RAPGEF2: variants seen among roughly 807,000 people sequenced by gnomAD.
RAPGEF2 encodes PDZ domain containing guanine nucleotide exchange factor (GEF) 1.
Under a neutral mutation model 186.7 loss-of-function variants are expected in RAPGEF2, and 54 were observed. The ratio of observed to expected loss-of-function variants is 0.29; its 90% CI spans 0.23 to 0.36. The LOEUF is 0.36. RAPGEF2 is among the 10% of genes least tolerant of loss of function. The probability of loss-of-function intolerance (pLI) is 1.00; values close to 1 mark genes in which losing one functional copy is unlikely to be tolerated. For missense variants in RAPGEF2, 1,532 were observed against 2,045.0 expected (o/e 0.75, Z 4.84); for synonymous variants, 712 against 705.9 (o/e 1.01, Z -0.14).
intron 7 of RAPGEF2, among the ~76,000 whole-genome samples, chr4:159,278,502 G>A (rs1481676967): frequency 2.6e-5 from 4 of 152,176 alleles, no homozygotes; most frequent in South Asian, 2.1e-4. Context: ...GGTGGAAGGC[G>A]GGAATCTGAC....
chr4:159,199,462 T>A (rs1436809935), intron 3 of RAPGEF2, among the ~76,000 whole-genome samples: 1 of 147,608 alleles, frequency 6.8e-6, no homozygotes, highest in East Asian at 2.0e-4. Context: ...TTTAGTCTGT[T>A]CCCGATGGTT....
intron 3 of RAPGEF2, among the ~76,000 whole-genome samples, chr4:159,194,018 A>T (rs1224077849): frequency 6.6e-6 from 1 of 152,198 alleles, no homozygotes. Flanking sequence ...AACAAAGCAA[A>T]ATAATTGTGA....
intron 1 of RAPGEF2, among the ~76,000 whole-genome samples, chr4:159,113,919 A>T (rs1251478574): frequency 6.6e-6 from 1 of 151,942 alleles, no homozygotes; most frequent in Non-Finnish European, 1.5e-5. Context: ...ATAGCTAATA[A>T]ATAAATGGAT....
At chr4:159,125,507 G>A (rs1005234284) in intron 1 of RAPGEF2, among the ~76,000 whole-genome samples, 8 of 151,896 alleles carry the variant, frequency 5.3e-5, no homozygotes, top group Non-Finnish European at 7.4e-5. Context: ...ACCTGTAATC[G>A]TAGCACTTTG....
At chr4:159,267,700 A>T in intron 7 of RAPGEF2, 7 of 967,354 alleles carry the variant, frequency 7.2e-6, no homozygotes, top group Non-Finnish European at 8.7e-6. Context: ...TGAATGCTAG[A>T]GCCTGGTTCT....
intron 4 of RAPGEF2, 122 bp from the exon 5 acceptor site, chr4:159,238,687 A>G: frequency 1.8e-6 from 1 of 553,274 alleles, no homozygotes; most frequent in South Asian, 4.0e-5. Flanking sequence ...ACTTTCTCCA[A>G]TGTGTACTTT....
At chr4:159,295,732 T>A (rs866636030) in intron 7 of RAPGEF2, among the ~76,000 whole-genome samples, 1 of 119,172 alleles carries the variant, frequency 8.4e-6, no homozygotes, top group Admixed American at 7.6e-5. Context: ...TGTGTGTGTG[T>A]GTGTGTGTGT....
chr4:159,181,914 TTTAGGA>T, intron 1 of RAPGEF2, among the ~76,000 whole-genome samples: 1 of 152,304 alleles, frequency 6.6e-6, no homozygotes, highest in East Asian at 1.9e-4. Flanking sequence ...AATGGTGAAC[TTTAGGA>T]TTATCCAGAA....
intron 4 of RAPGEF2, among the ~76,000 whole-genome samples, chr4:159,212,435 CA>C (rs1750624870): frequency 6.6e-6 from 1 of 152,124 alleles, no homozygotes. Context: ...GAAACATTAT[CA>C]GCTAAAATCC....
At chr4:159,206,845 A>G (rs1182053231) in intron 3 of RAPGEF2, among the ~76,000 whole-genome samples, 1 of 152,182 alleles carries the variant, frequency 6.6e-6, no homozygotes, top group Non-Finnish European at 1.5e-5. Flanking sequence ...TCTATGGGGG[A>G]TGGATAGGAG....
chr4:159,230,626 C>T (rs1752529219), intron 4 of RAPGEF2, among the ~76,000 whole-genome samples: 1 of 152,180 alleles, frequency 6.6e-6, no homozygotes, highest in Admixed American at 6.5e-5. Context: ...ATAGGTTTGA[C>T]ATTCAGATCT....
At position 159,353,205 on chromosome 4, in the gene RAPGEF2, A is replaced by G. The variant is rs1328371227; in HGVS notation, c.4092-282A>G. 6.6e-6 allele frequency among the ~76,000 whole-genome samples: 1 copy of G among 151,464 alleles called. No individual in the cohort carries two copies. Among genetic ancestry groups the G allele is most frequent in the Non-Finnish European group, 1.5e-5 (1 of 67,978 alleles). ...TCGTATGAGCTGCCTTCCTGAAATA[A>G]TCAAATTATATTGAGCCACCCTTAA... On this transcript the variant is annotated intron_variant, in intron 27 of 29. Transcript: ENST00000691494. The surrounding 1 kb of genome is among the most constrained non-coding windows in gnomAD (Gnocchi z 4.3).
At chr4:159,204,261 A>T (rs879299150) in intron 3 of RAPGEF2, among the ~76,000 whole-genome samples, 1 of 152,248 alleles carries the variant, frequency 6.6e-6, no homozygotes, top group Admixed American at 6.5e-5. Flanking sequence ...GAAAACAGTG[A>T]GTGAGAAGAT....
At chr4:159,107,043 A>G (rs899559643) in intron 1 of RAPGEF2, among the ~76,000 whole-genome samples, 6 of 152,296 alleles carry the variant, frequency 3.9e-5, no homozygotes, top group Admixed American at 2.0e-4. Context: ...GACTATCACT[A>G]TTTCACCTGA....
At chr4:159,352,653 G>A (rs1482091296) in intron 26 of RAPGEF2, 32 bp from the exon 27 acceptor site, 2 of 1,529,496 alleles carry the variant, frequency 1.3e-6, no homozygotes, top group African/African-American at 2.7e-5. Flanking sequence ...AACCTAGAGA[G>A]TCTAATTAAT....
chr4:159,327,745 A>G (rs1367460590), intron 11 of RAPGEF2: 3 of 152,144 alleles, frequency 2.0e-5, no homozygotes, highest in African/African-American at 7.2e-5. Context: ...AGATCTATAA[A>G]TTTGTTATAG....
intron 1 of RAPGEF2, among the ~76,000 whole-genome samples, chr4:159,177,187 T>G (rs927095837): frequency 1.3e-5 from 2 of 150,550 alleles, no homozygotes; most frequent in African/African-American, 5.0e-5. Context: ...TTAGGGACCC[T>G]TATAAGTATT....
At chr4:159,157,743 C>T (rs140566978) in intron 1 of RAPGEF2, among the ~76,000 whole-genome samples, 1 of 152,324 alleles carries the variant, frequency 6.6e-6, no homozygotes, top group Non-Finnish European at 1.5e-5. Context: ...ATCATAATGT[C>T]CGTTTTCTCA....
intron 7 of RAPGEF2, among the ~76,000 whole-genome samples, chr4:159,264,923 A>G (rs1044623934): frequency 2.6e-5 from 4 of 152,212 alleles, no homozygotes; most frequent in Non-Finnish European, 4.4e-5. Context: ...GTAGCATGTA[A>G]TAGAAATTCA....
Sources: gnomAD v4.1 joint callset for allele counts (sites outside exome capture counted in the v4.1 genomes callset) on GRCh38, gnomAD v4.1.1 for gene constraint, Gnocchi (gnomAD v3.1) non-coding constraint, MANE v1.5 for transcripts, NCBI Gene and HGNC (gene_info 2026-07-23, HGNC 2026-07-21) for gene names.